The following TNN variants were observed in gnomAD, a reference collection of about 807,000 sequenced individuals.
The protein encoded by TNN is tenascin-N.
TNN carries 122 observed loss-of-function variants against 134.4 expected under a neutral mutation model. The ratio of observed to expected loss-of-function variants is 0.91; its 90% confidence interval spans 0.78 to 1.06. TNN has a LOEUF of 1.06. Among genes scored for constraint, TNN ranks in the 50% least tolerant of loss-of-function variants. TNN has a pLI of 0.00. For synonymous variants in TNN, 710 were observed against 670.3 expected, an observed-to-expected ratio of 1.06 and a Z score of -0.91; for missense variants, 1,739 against 1,699.4, an observed-to-expected ratio of 1.02 and a Z score of -0.41.
intron 2 of TNN, among the ~76,000 whole-genome samples, 192 bp from the exon 3 acceptor site, chr1:175,079,141 A>C (rs1374540275): frequency 2.6e-5 from 4 of 152,168 alleles, no homozygotes; most frequent in African/African-American, 9.7e-5. Context: ...CCCAGGCTGG[A>C]AAGGGCCAAC....
At chr1:175,068,173 C>T (rs1159118106) in intron 1 of TNN, among the ~76,000 whole-genome samples, 1 of 152,150 alleles carries the variant, frequency 6.6e-6, no homozygotes, top group Non-Finnish European at 1.5e-5. Flanking sequence ...GCATAGTTAT[C>T]CTCTTTCCTG....
At chr1:175,123,740 G>C (rs775536589) in intron 12 of TNN, 77 bp downstream of exon 12, 39 of 1,591,538 alleles carry the variant, frequency 2.5e-5, no homozygotes, top group Non-Finnish European at 3.2e-5. Flanking sequence ...GGGCTGGGGA[G>C]GGGAGCAGGA....
intron 18 of TNN, among the ~76,000 whole-genome samples, chr1:175,146,146 G>A (rs1181511478): frequency 6.6e-6 from 1 of 152,148 alleles, no homozygotes; most frequent in Non-Finnish European, 1.5e-5. Flanking sequence ...GGGAGGGTGG[G>A]CCCATGAATC....
intron 15 of TNN, among the ~76,000 whole-genome samples, chr1:175,135,168 C>A (rs1410714982): frequency 1.3e-5 from 2 of 152,154 alleles, no homozygotes; most frequent in African/African-American, 4.8e-5. Flanking sequence ...TCTTACAGTT[C>A]TGTTGCATCT....
intron 12 of TNN, among the ~76,000 whole-genome samples, chr1:175,125,662 CTTCT>C (rs1675490667): frequency 1.8e-5 from 2 of 114,070 alleles, no homozygotes; most frequent in African/African-American, 6.4e-5. Flanking sequence ...TCCTTCCTTC[CTTCT>C]CTCCCTCCCT....
intron 13 of TNN, 58 bp downstream of exon 13, chr1:175,127,143 C>A: frequency 6.3e-7 from 1 of 1,581,840 alleles, no homozygotes; most frequent in South Asian, 1.2e-5. Context: ...AAGCAACTAA[C>A]TTGGGCCAAT....
chr1:175,067,994 A>C (rs1173037925), intron 1 of TNN, 59 bp downstream of exon 1: 1 of 455,856 alleles, frequency 2.2e-6, no homozygotes, highest in Non-Finnish European at 4.4e-6. Context: ...GCCAATGCAG[A>C]TGAGCTCAAA....
intron 15 of TNN, among the ~76,000 whole-genome samples, chr1:175,134,848 GC>G (rs869304259): frequency 7.1e-6 from 1 of 140,984 alleles, no homozygotes; most frequent in Non-Finnish European, 1.5e-5. Context: ...TTCCACTCTT[GC>G]CCCTGACCAG....
Position 175,126,952 on chromosome 1 carries a change from C to T in TNN, c.2915-3C>T. ...TAACAATTACCTGACTTTCTACGTACAGAACTCGACCCTCCCAGAAACCTT... is the reference window on the plus strand; with the variant it reads ...TAACAATTACCTGACTTTCTACGTATAGAACTCGACCCTCCCAGAAACCTT... On this transcript the variant is annotated splice_region_variant and splice_polypyrimidine_tract_variant and intron_variant, in intron 12 of 18. Transcript: ENST00000239462. The T allele has an allele frequency of 1.2e-6, 2 of 1,606,732 alleles. No individual in the cohort carries two copies. The highest frequency in any genetic ancestry group is 1.3e-5 in the African/African-American group (1 of 74,616).
chr1:175,071,609 TTTTG>T (rs1160864671), intron 1 of TNN, among the ~76,000 whole-genome samples: 1 of 152,206 alleles, frequency 6.6e-6, no homozygotes, highest in African/African-American at 2.4e-5. Flanking sequence ...TTTTTTTTGT[TTTTG>T]TTTTTGTTTT....
rs568760187 is a variant in TNN at position 175,134,439 on chromosome 1, G to A, written c.3331-1406G>A. ...GTGTGCCTGTAATCCCAGCTACTTG[G>A]GAGGCTGAGGCAGGAGAGTCGCTTG... On this transcript the variant is annotated intron_variant, in intron 15 of 18. Transcript: ENST00000239462. Among the ~76,000 whole-genome samples, 5 of 151,946 alleles carry A rather than the reference G, an allele frequency of 3.3e-5. No individual in the cohort carries two copies. In the South Asian group the frequency reaches 6.2e-4, roughly 19 times the overall value.
Position 175,083,844 on chromosome 1 carries a change from C to T in TNN, c.1143C>T (p.Tyr381=). The part of the protein sequence containing the change: ...WENPSTEVDY[Y]KLRYGPMTGQ... ...ACCCCTCAACTGAGGTGGACTACTA[C>T]AAGCTGCGATATGGCCCCATGACAG... is the stretch of plus-strand genomic sequence containing the variant. The change falls in exon 5 of 19, where the codon TAC becomes TAT. Residue 381 remains tyrosine (Y), a synonymous_variant. Coordinates refer to ENST00000239462, the MANE Select transcript of TNN (RefSeq NM_022093.2). 1 of 1,614,206 alleles carries T rather than the reference C, an allele frequency of 6.2e-7. No homozygotes were observed. Among genetic ancestry groups the T allele is most frequent in the Non-Finnish European group, 8.5e-7 (1 of 1,180,032 alleles).
Position 175,136,901 on chromosome 1 carries a change from T to C in TNN, c.3508T>C (p.Ser1170Pro). ...VRVDLQTANE[S>P]AYAIYDFFQV... ...AGTGGATTTACAGACTGCCAATGAA[T>C]CTGCCTATGCTATATATGATTTCTT... is the stretch of plus-strand genomic sequence containing the variant. The change falls in exon 17 of 19, where the codon TCT becomes CCT. Residue 1170 changes from serine to proline, a missense_variant. Coordinates refer to ENST00000239462, the MANE Select transcript of TNN (RefSeq NM_022093.2). 1 of 1,614,186 alleles carries C rather than the reference T, an allele frequency of 6.2e-7. No individual in the cohort carries two copies.
chr1:175,098,629 A>T (rs1674637569), intron 9 of TNN, 34 bp downstream of exon 9: 1 of 1,613,512 alleles, frequency 6.2e-7, no homozygotes, highest in African/African-American at 1.3e-5. Flanking sequence ...TGCCGATGCC[A>T]TGCTCAGGGT....
chr1:175,110,871 A>C (rs760169236), intron 9 of TNN, among the ~76,000 whole-genome samples: 70 of 152,112 alleles, frequency 4.6e-4, no homozygotes, highest in Non-Finnish European at 9.4e-4. Context: ...GTTCCATATG[A>C]ATTTTAGAAT....
rs987314042 is a variant in TNN at position 175,108,563 on chromosome 1, G to A, written c.2120-8376G>A. On this transcript the variant is annotated intron_variant, in intron 9 of 18. Coordinates refer to ENST00000239462, the MANE Select transcript of TNN (RefSeq NM_022093.2). ...ACAGGAACCCACGGAGGCAGGGGAA[G>A]GCTTAGGCATGGCGGGCTGCAGGTC... Among the ~76,000 whole-genome samples, 3 of 152,388 alleles carry A rather than the reference G, an allele frequency of 2.0e-5. No homozygotes were observed. The South Asian group carries it at 6.2e-4, about 32-fold the overall frequency.
rs576431625 is a variant in TNN at position 175,081,717 on chromosome 1, G to A, written c.1048+1291G>A. ...CAACTTGGGTGTCTTGATTGTTCTA[G>A]CATGGGTGACTGCACACTATGGGGG... On this transcript the variant is annotated intron_variant, in intron 4 of 18. Coordinates refer to ENST00000239462, the MANE Select transcript of TNN (RefSeq NM_022093.2). 3.3e-5 allele frequency among the ~76,000 whole-genome samples: 5 copies of A among 152,312 alleles called. No individual in the cohort carries two copies. In the South Asian group the frequency reaches 1.0e-3, roughly 32 times the overall value.
intron 13 of TNN, among the ~76,000 whole-genome samples, chr1:175,127,636 A>T (rs192239562): frequency 6.6e-6 from 1 of 152,332 alleles, no homozygotes; most frequent in East Asian, 1.9e-4. Flanking sequence ...CTTGTCTCAG[A>T]TATCAGTGGC....
At chr1:175,082,055 C>T (rs1040245522) in intron 4 of TNN, among the ~76,000 whole-genome samples, 6 of 152,202 alleles carry the variant, frequency 3.9e-5, no homozygotes, top group African/African-American at 1.4e-4. Flanking sequence ...AGTGACCTGA[C>T]ATTGATGTCC....
Sources: gnomAD v4.1 joint callset for allele counts (sites outside exome capture counted in the v4.1 genomes callset) on GRCh38, gnomAD v4.1.1 for gene constraint, MANE v1.5 for transcripts, NCBI Gene and HGNC (gene_info 2026-07-23, HGNC 2026-07-21) for gene names.